The following IPO8 variants were observed in gnomAD, a reference collection of about 807,000 sequenced individuals.
IPO8 encodes importin 8, also known as importin-8.
Under a neutral mutation model 141.2 loss-of-function variants are expected in IPO8, and 65 were observed. The observed-to-expected ratio is 0.46, with a 90% CI of 0.38 to 0.57. The LOEUF is 0.57. Ranked by LOEUF, IPO8 falls within the 20% of genes least tolerant of loss-of-function variation. The probability of loss-of-function intolerance (pLI) is 0.00; values close to 1 mark genes in which losing one functional copy is unlikely to be tolerated. For missense variants in IPO8, 980 were observed against 1,246.8 expected (o/e 0.79, Z 3.22); for synonymous variants, 411 against 420.3 (o/e 0.98, Z 0.27).
chr12:30,672,622 C>A (rs2043846), intron 8 of IPO8, among the ~76,000 whole-genome samples: 83,058 of 151,894 alleles, frequency 0.55, 23,319 homozygotes, highest in African/African-American at 0.67. Context: ...ACTGAAAAAA[C>A]AATTGACTCA....
chr12:30,666,935 C>G (rs1035900583), intron 10 of IPO8, among the ~76,000 whole-genome samples: 5 of 152,186 alleles, frequency 3.3e-5, no homozygotes, highest in South Asian at 4.1e-4. Flanking sequence ...GTAAGTTCAG[C>G]AGGTTTTGTT....
At position 30,662,401 on chromosome 12, in the gene IPO8, T is replaced by G; in HGVS notation, c.1681A>C (p.Asn561His). 6.2e-7 allele frequency: 1 copy of G among 1,612,826 alleles called. No individual in the cohort carries two copies. Among genetic ancestry groups the G allele is most frequent in the East Asian group, 2.2e-5 (1 of 44,858 alleles). ...VRETENDDVT[N>H]VIQKMICEYS... is the part of the protein sequence containing the mutation. ...TCACATATCATCTTCTGGATGACAT[T>G]AGTAACATCATCATTTTCTGTCTCT... Residue 561 changes from asparagine to histidine, a missense_variant, in exon 15 of 25, where the codon AAT (asparagine) becomes CAT (histidine). Physicochemically the swap from Asn to His is moderately conservative, Grantham distance 68. This residue lies in a region of IPO8 where 924 missense variants were observed against 1,153.9 expected (regional missense o/e 0.80). Transcript: ENST00000256079.
At chr12:30,680,670 A>G (rs769348709) in intron 4 of IPO8, 32 bp from the exon 5 acceptor site, 11 of 1,552,450 alleles carry the variant, frequency 7.1e-6, no homozygotes, top group Admixed American at 5.9e-5. Flanking sequence ...CAGAAAAGTA[A>G]TTTTTCCCAC....
intron 10 of IPO8, among the ~76,000 whole-genome samples, 166 bp from the exon 11 acceptor site, chr12:30,666,417 G>T (rs915805375): frequency 6.6e-6 from 1 of 152,120 alleles, no homozygotes; most frequent in Non-Finnish European, 1.5e-5. Flanking sequence ...CCACAACATT[G>T]CTGTCTCCTG....
In IPO8 at chr12:30,694,274, C is replaced by T. The variant is rs927300730; in HGVS notation, c.84+1290G>A. The stretch of plus-strand genomic sequence containing the variant: ...GACAGGTACTGACTTTAACTTCCCC[C>T]TATTCTAAGTGACAGTCCATTTCTT... On this transcript the variant is annotated intron_variant, in intron 1 of 24. Transcript: ENST00000256079. Among the ~76,000 whole-genome samples, 6 of 152,300 alleles carry T rather than the reference C, an allele frequency of 3.9e-5. No individual in the cohort carries two copies. In the South Asian group the frequency reaches 1.2e-3, roughly 32 times the overall value.
chr12:30,677,203 T>A (rs2053133929), intron 5 of IPO8: 3 of 654,034 alleles, frequency 4.6e-6, no homozygotes, highest in Admixed American at 4.5e-5. Context: ...ATGCACCACA[T>A]AACAAATGTT....
At chr12:30,685,151 T>C (rs370410051) in intron 2 of IPO8, among the ~76,000 whole-genome samples, 1 of 151,948 alleles carries the variant, frequency 6.6e-6, no homozygotes, top group East Asian at 1.9e-4. Context: ...TTCTTTTTTT[T>C]TTTTTTGAGA....
rs2052900658 is a variant in IPO8 at position 30,662,397 on chromosome 12, A to G, written c.1685T>C (p.Val562Ala). The change falls in exon 15 of 25, where the codon GTC (valine) becomes GCC (alanine). Residue 562 changes from valine (V) to alanine (A), a missense_variant. Around this residue, in one of 3 missense-constraint regions of IPO8, gnomAD observed 924 missense variants for 1,153.9 expected, o/e 0.80. Transcript: ENST00000256079. ...RETENDDVTNVIQKMICEYSQ... is the reference protein window; with the variant it reads ...RETENDDVTNAIQKMICEYSQ... ...GTATTCACATATCATCTTCTGGATG[A>G]CATTAGTAACATCATCATTTTCTGT... The G allele has an allele frequency of 6.2e-7, 1 of 1,613,390 alleles. No individual in the cohort carries two copies. Among genetic ancestry groups the G allele is most frequent in the Non-Finnish European group, 8.5e-7 (1 of 1,179,550 alleles).
Position 30,674,005 on chromosome 12 carries a change from T to G in IPO8, c.894A>C (p.Ala298=), listed in dbSNP as rs1453220271. 1.3e-6 allele frequency: 2 copies of G among 1,588,008 alleles called. No homozygotes were observed. Among genetic ancestry groups the G allele is most frequent in the South Asian group, 2.3e-5 (2 of 87,564 alleles). The change falls in exon 8 of 25, where the codon GCA becomes GCC. Residue 298 remains alanine (A), a synonymous_variant. Transcript: ENST00000256079. ...EFSEFFLKTY[A]VGIQQVLLKI... ...AGTTTATTACCTGCTGAATGCCCAC[T>G]GCATAGGTTTTCAAAAAGAATTCAG... is the stretch of plus-strand genomic sequence containing the variant.
intron 5 of IPO8, 90 bp downstream of exon 5, chr12:30,680,392 T>G (rs2053176397): frequency 4.0e-6 from 4 of 997,238 alleles, no homozygotes; most frequent in Admixed American, 2.6e-5. Context: ...ACAAAATAAT[T>G]TTTAATAATA....
intron 24 of IPO8, 65 bp downstream of exon 24, chr12:30,631,830 T>C: frequency 9.6e-7 from 1 of 1,041,892 alleles, no homozygotes; most frequent in Non-Finnish European, 1.5e-6. Flanking sequence ...ACCTGGCTCA[T>C]CAAATAAGGC....
chr12:30,641,493 CTTTTTT>C (rs58656525), intron 20 of IPO8, among the ~76,000 whole-genome samples: 68 of 135,038 alleles, frequency 5.0e-4, no homozygotes, highest in South Asian at 1.2e-3. Context: ...TAAGCTATTT[CTTTTTT>C]TTTTTTTTTT....
chr12:30,667,395 T>G (rs1190039507), intron 10 of IPO8, among the ~76,000 whole-genome samples: 1 of 152,218 alleles, frequency 6.6e-6, no homozygotes, highest in Non-Finnish European at 1.5e-5. Flanking sequence ...TCTTGTTAGT[T>G]CTTACCAAAT....
At position 30,631,067 on chromosome 12, in the gene IPO8, A is replaced by G. The variant is rs2052425575; in HGVS notation, c.3017-110T>C. 13 of 692,784 alleles carry G rather than the reference A, an allele frequency of 1.9e-5. No homozygotes were observed. The South Asian group carries it at 2.4e-4, about 13-fold the overall frequency. The allele number at this position is 692,784 out of a possible 1,614,324, so 42.9% of individuals were successfully genotyped here. ...TTCTTTATATGCTTAGAACTGTGAA[A>G]GAATGTGACTGGTAGTATTAGTTAT... is the stretch of plus-strand genomic sequence containing the variant. On this transcript the variant is annotated intron_variant, in intron 24 of 24. Transcript: ENST00000256079.
chr12:30,652,504 T>A (rs901206249), intron 18 of IPO8, among the ~76,000 whole-genome samples: 1 of 152,046 alleles, frequency 6.6e-6, no homozygotes, highest in Non-Finnish European at 1.5e-5. Flanking sequence ...GAAGTAATTG[T>A]GCTGAATTTT....
At position 30,631,664 on chromosome 12, in the gene IPO8, T is replaced by C. The variant is rs2052434302; in HGVS notation, c.3016+231A>G. 1.1e-5 allele frequency: 4 copies of C among 371,104 alleles called. No individual in the cohort carries two copies. The South Asian group carries it at 1.7e-4, about 16-fold the overall frequency. The allele number at this position is 371,104 out of a possible 1,614,324, so 23.0% of individuals were successfully genotyped here. ...CTTTGCCTCCAACATAGGATAAGAA[T>C]GTGAATGAGAACACCACTAGGAAAT... On this transcript the variant is annotated intron_variant, in intron 24 of 24. Transcript: ENST00000256079.
At chr12:30,666,042 GA>G (rs573389986) in intron 11 of IPO8, 132 bp downstream of exon 11, 2,395 of 612,492 alleles carry the variant, frequency 3.9e-3, no homozygotes, top group South Asian at 8.1e-3. Context: ...ACCAGGAGAG[GA>G]AAAAAAAAAT....
At chr12:30,644,642 T>G (rs1257236467) in intron 20 of IPO8, among the ~76,000 whole-genome samples, 1 of 94,444 alleles carries the variant, frequency 1.1e-5, no homozygotes, top group African/African-American at 5.9e-5. Flanking sequence ...TTTTTGGTGT[T>G]TTTTTTTTTT....
At chr12:30,684,867 T>C (rs1446218153) in intron 2 of IPO8, among the ~76,000 whole-genome samples, 2 of 152,196 alleles carry the variant, frequency 1.3e-5, no homozygotes, top group Non-Finnish European at 2.9e-5. Context: ...CACTAGCATT[T>C]TGGGGTATCT....
Sources: allele counts gnomAD v4.1 joint callset (sites outside exome capture counted in the v4.1 genomes callset), GRCh38; gene constraint gnomAD v4.1.1; regional missense constraint gnomAD v4.1.1; transcripts MANE v1.5; gene names NCBI Gene and HGNC (gene_info 2026-07-23, HGNC 2026-07-21).